HEXB: variants seen among roughly 807,000 people sequenced by gnomAD.
The protein encoded by HEXB is hexosaminidase subunit beta, also known as beta-hexosaminidase subunit beta.
Under a neutral mutation model 71.2 loss-of-function variants are expected in HEXB, and 51 were observed. The ratio of observed to expected loss-of-function variants is 0.72; its 90% CI spans 0.57 to 0.90. The LOEUF (loss-of-function observed/expected upper bound fraction) is 0.90. Ranked by LOEUF, HEXB falls within the 40% of genes least tolerant of loss-of-function variation. The pLI is 0.00. For missense variants in HEXB, 617 were observed against 677.0 expected (o/e 0.91, Z 0.98); for synonymous variants, 266 against 249.3 (o/e 1.07, Z -0.63).
At chr5:74,664,448 A>AAAAAAAC (rs756960235) in intron 1 of HEXB, among the ~76,000 whole-genome samples, 253 of 126,362 alleles carry the variant, frequency 2.0e-3, no homozygotes, top group African/African-American at 4.6e-3. Context: ...AAAAAAAAAA[A>AAAAAAAC]AAAAACAGAG....
intron 1 of HEXB, among the ~76,000 whole-genome samples, chr5:74,663,193 G>GGGGA (rs1554033026): frequency 1.1e-4 from 14 of 131,744 alleles, no homozygotes; most frequent in African/African-American, 3.8e-4. Context: ...CTTTTTTTTG[G>GGGGA]GGGGGTGGAG....
At chr5:74,701,679 A>G (rs528877914) in intron 5 of HEXB, among the ~76,000 whole-genome samples, 6 of 152,138 alleles carry the variant, frequency 3.9e-5, no homozygotes, top group South Asian at 4.2e-4. Flanking sequence ...TAGTGTGCAA[A>G]GAACTCCTAT....
intron 1 of HEXB, among the ~76,000 whole-genome samples, chr5:74,668,091 G>A (rs1748466886): frequency 1.3e-5 from 2 of 152,268 alleles, no homozygotes; most frequent in South Asian, 4.1e-4. Flanking sequence ...TGCCTTAATT[G>A]TGATCCATTT....
intron 13 of HEXB, 155 bp from the exon 14 acceptor site, chr5:74,720,963 A>G: frequency 1.3e-6 from 1 of 796,988 alleles, no homozygotes; most frequent in Non-Finnish European, 2.1e-6. Flanking sequence ...CTCCATCTTG[A>G]GTTGCTTTAA....
chr5:74,721,073 T>C (rs1381627363), intron 13 of HEXB, 45 bp from the exon 14 acceptor site: 1 of 1,367,222 alleles, frequency 7.3e-7, no homozygotes. Context: ...ATGAATGATA[T>C]CAATCTAAAT....
intron 6 of HEXB, among the ~76,000 whole-genome samples, chr5:74,706,415 A>G (rs1218270562): frequency 3.3e-5 from 5 of 152,256 alleles, no homozygotes; most frequent in African/African-American, 9.6e-5. Flanking sequence ...TACCAGGTTC[A>G]TCTCACTAGG....
At chr5:74,699,417 G>A (rs542859265) in intron 5 of HEXB, among the ~76,000 whole-genome samples, 1 of 152,018 alleles carries the variant, frequency 6.6e-6, no homozygotes, top group African/African-American at 2.4e-5. Flanking sequence ...TGGGATTACA[G>A]GTGCCCACCA....
chr5:74,716,686 A>G lies in HEXB; in HGVS notation c.1169+13A>G. ...TCTACATTCAAAAGTAAGTTGTTTG[A>G]AAGCCTATTTCTGTATTAATGCTTT... On this transcript the variant is annotated intron_variant, in intron 9 of 13. Transcript: ENST00000261416. The G allele has an allele frequency of 6.6e-7, 1 of 1,509,686 alleles. No individual in the cohort carries two copies. Among genetic ancestry groups the G allele is most frequent in the Non-Finnish European group, 9.2e-7 (1 of 1,088,886 alleles). 93.5% of individuals were successfully genotyped at this position (1,509,686 alleles called of 1,614,324 possible). A position where few individuals can be genotyped will look rare whatever the true frequency, so the allele number is the denominator to read the frequency against.
At chr5:74,659,042 C>A (rs1336646301) in intron 1 of HEXB, among the ~76,000 whole-genome samples, 1 of 152,044 alleles carries the variant, frequency 6.6e-6, no homozygotes, top group Admixed American at 6.6e-5. Context: ...TTTCTCCTTG[C>A]ATTTAACTTT....
chr5:74,655,965 C>T (rs1043241796), intron 1 of HEXB, among the ~76,000 whole-genome samples: 2 of 152,128 alleles, frequency 1.3e-5, no homozygotes, highest in African/African-American at 2.4e-5. Flanking sequence ...TGACATAATT[C>T]TTCAAGGAAA....
intron 5 of HEXB, among the ~76,000 whole-genome samples, chr5:74,700,730 G>A (rs1021355692): frequency 2.0e-5 from 3 of 151,864 alleles, no homozygotes; most frequent in East Asian, 1.9e-4. Flanking sequence ...TTATTGAGAC[G>A]GAGTTTTGCT....
chr5:74,662,580 G>A (rs1031556176), intron 1 of HEXB, among the ~76,000 whole-genome samples: 1 of 152,192 alleles, frequency 6.6e-6, no homozygotes, highest in Non-Finnish European at 1.5e-5. Flanking sequence ...AAAAGGAATA[G>A]ATGTTTTAAG....
At chr5:74,679,798 CAAAA>C (rs70976121) in intron 1 of HEXB, among the ~76,000 whole-genome samples, 6 of 38,890 alleles carry the variant, frequency 1.5e-4, no homozygotes, top group Admixed American at 8.8e-4. Context: ...GACTCCGTCT[CAAAA>C]AAAAAAAAAA....
intron 6 of HEXB, among the ~76,000 whole-genome samples, chr5:74,706,489 G>C (rs6870452): frequency 0.022 from 3,427 of 152,352 alleles, 128 homozygotes; most frequent in African/African-American, 0.078. Flanking sequence ...GAAGCAGGGT[G>C]AGGCGTTGCC....
At chr5:74,701,378 C>T (rs1399587454) in intron 5 of HEXB, among the ~76,000 whole-genome samples, 1 of 151,936 alleles carries the variant, frequency 6.6e-6, no homozygotes, top group Non-Finnish European at 1.5e-5. Context: ...GTGTATCAAA[C>T]CTATTAGGTA....
In HEXB at chr5:74,719,500, C is replaced by T. The variant is rs140580850; in HGVS notation, c.1417+529C>T. Among the ~76,000 whole-genome samples, 83 of 152,192 alleles carry T rather than the reference C, an allele frequency of 5.5e-4. 1 individual carries two copies. The highest frequency in any genetic ancestry group is 1.5e-3 in the South Asian group (7 of 4,818). ...TTCATAAAAAACATTCTAGTTTGTC[C>T]AATTTTGTACATTAGCCTTTAGTGA... On this transcript the variant is annotated intron_variant, in intron 11 of 13. Transcript: ENST00000261416.
intron 11 of HEXB, 95 bp downstream of exon 11, chr5:74,719,066 C>A: frequency 8.7e-7 from 1 of 1,146,374 alleles, no homozygotes; most frequent in Non-Finnish European, 1.3e-6. Flanking sequence ...AGTTTTCTTC[C>A]CTAACCTCCC....
intron 1 of HEXB, among the ~76,000 whole-genome samples, chr5:74,654,031 T>G (rs1287132073): frequency 6.6e-6 from 1 of 152,112 alleles, no homozygotes; most frequent in East Asian, 1.9e-4. Context: ...GGGCTCCAGG[T>G]GTAGACAGTG....
At chr5:74,704,559 T>C (rs1749336723) in intron 5 of HEXB, among the ~76,000 whole-genome samples, 2 of 152,202 alleles carry the variant, frequency 1.3e-5, no homozygotes, top group Admixed American at 1.3e-4. Context: ...GTCCTGGTAC[T>C]TAAATGAATG....
Sources: allele counts gnomAD v4.1 joint callset (sites outside exome capture counted in the v4.1 genomes callset), GRCh38; gene constraint gnomAD v4.1.1; transcripts MANE v1.5; gene names NCBI Gene and HGNC (gene_info 2026-07-23, HGNC 2026-07-21).